Variants in L1TD1 observed in about 807,000 individuals in gnomAD.
The protein encoded by L1TD1 is LINE1 type transposase domain containing 1, also known as LINE-1 type transposase domain-containing protein 1.
L1TD1 carries 26 observed loss-of-function variants against 25.7 expected under a neutral mutation model. The observed-to-expected ratio is 1.01, with a 90% confidence interval of 0.74 to 1.40. The LOEUF is 1.40. Ranked by LOEUF, L1TD1 falls within the 40% of genes most tolerant of loss-of-function variation. L1TD1 has a pLI of 0.00. For synonymous variants in L1TD1, 421 were observed against 335.6 expected (o/e 1.25, Z -2.78); for missense variants, 1,130 against 975.0 (o/e 1.16, Z -2.12).
At chr1:62,196,270 C>T (rs78887888) in intron 1 of L1TD1, among the ~76,000 whole-genome samples, 165 bp from the exon 2 acceptor site, 4,944 of 152,272 alleles carry the variant, frequency 0.032, 111 homozygotes, top group African/African-American at 0.071. Context: ...CCATTCCCTG[C>T]AGCCCTCTCC....
In L1TD1 at chr1:62,206,657, CAAAA is replaced by C; in HGVS notation, c.30_33del (p.Lys11LeufsTer14). 3 of 1,545,614 alleles carry C rather than the reference CAAAA, an allele frequency of 1.9e-6. No homozygotes were observed. Among genetic ancestry groups the C allele is most frequent in the South Asian group, 2.4e-5 (2 of 83,132 alleles). On this transcript the variant is annotated frameshift_variant, in exon 3 of 4. Coordinates refer to ENST00000498273, the MANE Select transcript of L1TD1 (RefSeq NM_019079.5). LOFTEE classifies it high-confidence loss of function. The stretch of plus-strand genomic sequence containing the variant: ...TCTGATGTATCTACTAGTGTACAAT[CAAAA>C]TTTGCTAGACTTGCAAAGAAAAAGG...
At position 62,209,945 on chromosome 1, in the gene L1TD1, G is replaced by A. The variant is rs777050327; in HGVS notation, c.1171G>A (p.Ala391Thr). 1.2e-6 allele frequency: 2 copies of A among 1,612,180 alleles called. No homozygotes were observed. The highest frequency in any genetic ancestry group is 4.5e-5 in the East Asian group (2 of 44,832). ...FSELEELDEE[A>T]SGMEDDEDTS... ...CGAGCTAGAGGAGCTGGATGAAGAG[G>A]CCTCAGGGATGGAGGATGATGAAGA... Residue 391 changes from alanine (A) to threonine (T), a missense_variant, in exon 4 of 4, where the codon GCC becomes ACC. Coordinates refer to ENST00000498273, the MANE Select transcript of L1TD1 (RefSeq NM_019079.5).
intron 3 of L1TD1, chr1:62,208,422 C>T (rs1467869622): frequency 6.6e-6 from 1 of 151,794 alleles, no homozygotes. Context: ...AGACCCAAAG[C>T]CTTGGGGTCA....
rs1299549391 is a variant in L1TD1, at chr1:62,206,502, A to AT, written c.-110-10dup. 13 of 989,924 alleles carry AT rather than the reference A, an allele frequency of 1.3e-5. No individual in the cohort carries two copies. The South Asian group carries it at 1.3e-4, about 10-fold the overall frequency. The allele number at this position is 989,924 out of a possible 1,614,324, so 61.3% of individuals were successfully genotyped here. A position where few individuals can be genotyped will look rare whatever the true frequency, so the allele number is the denominator to read the frequency against. Reference sequence around the variant, plus strand: ...AGAATTCTTTAGTAAGTAATTTTTCATTTTTTTGTATTTCAGATTGACGTA... The same window carrying AT: ...AGAATTCTTTAGTAAGTAATTTTTCATTTTTTTTGTATTTCAGATTGACGTA... On this transcript the variant is annotated splice_polypyrimidine_tract_variant and intron_variant, in intron 2 of 3. Transcript: ENST00000498273.
intron 2 of L1TD1, among the ~76,000 whole-genome samples, chr1:62,201,033 A>C (rs1670629786): frequency 6.6e-6 from 1 of 151,808 alleles, no homozygotes; most frequent in Admixed American, 6.6e-5. Context: ...AGGTCAAGTG[A>C]TTCTCCTGTC....
intron 3 of L1TD1, among the ~76,000 whole-genome samples, chr1:62,209,110 A>C (rs929891459): frequency 6.6e-5 from 10 of 152,274 alleles, no homozygotes; most frequent in Admixed American, 5.9e-4. Flanking sequence ...TTTATATTAC[A>C]AAAATCCTGG....
At chr1:62,209,120 G>GAGT (rs1191495985) in intron 3 of L1TD1, among the ~76,000 whole-genome samples, 1 of 152,098 alleles carries the variant, frequency 6.6e-6, no homozygotes, top group Non-Finnish European at 1.5e-5. Flanking sequence ...AAAAATCCTG[G>GAGT]AGTGATGCTG....
intron 3 of L1TD1, 139 bp downstream of exon 3, chr1:62,207,775 C>T (rs561535271): frequency 1.1e-5 from 12 of 1,067,770 alleles, no homozygotes; most frequent in African/African-American, 4.8e-5. Flanking sequence ...TGCAGTGGCA[C>T]GATCTCGGCT....
intron 1 of L1TD1, among the ~76,000 whole-genome samples, chr1:62,196,091 TAAC>T (rs1327782557): frequency 1.3e-5 from 2 of 152,038 alleles, no homozygotes; most frequent in Non-Finnish European, 2.9e-5. Context: ...TTGGAAGTAA[TAAC>T]TTTTGCATTT....
intron 2 of L1TD1, among the ~76,000 whole-genome samples, chr1:62,205,729 C>T (rs1670733127): frequency 6.6e-6 from 1 of 151,814 alleles, no homozygotes; most frequent in South Asian, 2.1e-4. Context: ...CTGTGCCTGC[C>T]TAACAATATT....
chr1:62,198,619 G>A (rs1321082843), intron 2 of L1TD1, among the ~76,000 whole-genome samples: 3 of 151,976 alleles, frequency 2.0e-5, no homozygotes, highest in Non-Finnish European at 4.4e-5. Context: ...TGAAAAGATG[G>A]CAGTCACAAG....
At position 62,197,592 on chromosome 1, in the gene L1TD1, T is replaced by G. The variant is rs549120111; in HGVS notation, c.-111+1064T>G. Among the ~76,000 whole-genome samples the G allele has an allele frequency of 3.4e-3, 511 of 151,794 alleles. 6 individuals carry two copies. Among genetic ancestry groups the G allele is most frequent in the African/African-American group, 0.012 (497 of 41,398 alleles). On this transcript the variant is annotated intron_variant, in intron 2 of 3. Coordinates refer to ENST00000498273, the MANE Select transcript of L1TD1 (RefSeq NM_019079.5). ...CAAGTGCTCCTGCTGCCCCGAAAGG[T>G]GCTGGGATTACAGGCTTGAGCCACC...
intron 1 of L1TD1, among the ~76,000 whole-genome samples, 158 bp from the exon 2 acceptor site, chr1:62,196,277 C>G (rs1670538013): frequency 6.6e-6 from 1 of 152,204 alleles, no homozygotes; most frequent in African/African-American, 2.4e-5. Context: ...CTGCAGCCCT[C>G]TCCCGACTTA....
Position 62,210,547 on chromosome 1 carries a change from AAAG to A in L1TD1, c.1776_1778del (p.Lys593del), listed in dbSNP as rs1489563685. 1.2e-6 allele frequency: 2 copies of A among 1,612,708 alleles called. No homozygotes were observed. Among genetic ancestry groups the A allele is most frequent in the Non-Finnish European group, 1.7e-6 (2 of 1,179,688 alleles). On this transcript the variant is annotated inframe_deletion, in exon 4 of 4. Coordinates refer to ENST00000498273, the MANE Select transcript of L1TD1 (RefSeq NM_019079.5). ...TCACCAAACTTAAGAAAACAGAAGA[AAAG>A]AAACACAGAACTCTGCACACAGAAG...
chr1:62,211,042 T>G lies in L1TD1; in HGVS notation c.2268T>G (p.Thr756=), dbSNP rs75391297. ...VPSKIDEKRL[T]PRHILVKFWN... The stretch of plus-strand genomic sequence containing the variant: ...GTAAAATTGATGAAAAGAGACTGAC[T>G]CCTAGACACATCTTGGTGAAATTTT... Residue 756 remains threonine (T), a synonymous_variant, in exon 4 of 4, where the codon ACT becomes ACG. Coordinates refer to ENST00000498273, the MANE Select transcript of L1TD1 (RefSeq NM_019079.5). 0.01 allele frequency: 15,514 copies of G among 1,550,986 alleles called. 95 individuals are homozygous for G. The highest frequency in any genetic ancestry group is 0.012 in the Non-Finnish European group (13,685 of 1,146,862).
chr1:62,206,796 G>A lies in L1TD1; in HGVS notation c.168G>A (p.Lys56=), dbSNP rs1217125072. ...KDVSAIMNKF[K]VLMEIQDLMF... is the part of the protein sequence containing the mutation. ...TATCAGCAATTATGAATAAGTTTAA[G>A]GTCTTAATGGAAATTCAAGACCTGA... The change falls in exon 3 of 4, where the codon AAG becomes AAA. Residue 56 remains lysine (K), a synonymous_variant. Coordinates refer to ENST00000498273, the MANE Select transcript of L1TD1 (RefSeq NM_019079.5). 1.3e-6 allele frequency: 2 copies of A among 1,582,596 alleles called. No individual in the cohort carries two copies. The highest frequency in any genetic ancestry group is 1.7e-6 in the Non-Finnish European group (2 of 1,162,150).
intron 2 of L1TD1, among the ~76,000 whole-genome samples, chr1:62,197,184 G>C (rs550587457): frequency 2.0e-5 from 3 of 151,474 alleles, no homozygotes; most frequent in African/African-American, 7.3e-5. Flanking sequence ...TCAGCAGTTC[G>C]AGACCAGTCT....
rs1557443546 is a variant in L1TD1, at chr1:62,205,426, TATATA to T, written c.-110-1092_-110-1088del. Among the ~76,000 whole-genome samples the T allele has an allele frequency of 5.8e-4, 35 of 59,952 alleles. 1 individual carries two copies. Among genetic ancestry groups the T allele is most frequent in the African/African-American group, 1.8e-3 (31 of 17,608 alleles). The allele number at this position is 59,952 out of a possible 152,430, so 39.3% of individuals were successfully genotyped here. A position where few individuals can be genotyped will look rare whatever the true frequency, so the allele number is the denominator to read the frequency against. ...CTCTCTCTCTCTCTCTCTATATATA[TATATA>T]TATATATATATATTTTTTTTTAGAC... On this transcript the variant is annotated intron_variant, in intron 2 of 3. Transcript: ENST00000498273.
At chr1:62,207,694 G>T in intron 3 of L1TD1, 58 bp downstream of exon 3, 1 of 1,429,358 alleles carries the variant, frequency 7.0e-7, no homozygotes, top group Non-Finnish European at 9.2e-7. Flanking sequence ...TAGTAGGCAT[G>T]GTTATTTTGA....
Sources: gnomAD v4.1 joint callset for allele counts (sites outside exome capture counted in the v4.1 genomes callset) on GRCh38, gnomAD v4.1.1 for gene constraint, MANE v1.5 for transcripts, NCBI Gene and HGNC (gene_info 2026-07-23, HGNC 2026-07-21) for gene names.